PCDHGA4: variants seen among roughly 807,000 people sequenced by gnomAD.
PCDHGA4 encodes protocadherin gamma-A4.
A neutral mutation model predicts 54.6 loss-of-function variants in PCDHGA4; 38 were observed. That is an observed-to-expected ratio of 0.70 (90% confidence interval 0.54 to 0.91). The LOEUF (loss-of-function observed/expected upper bound fraction) is 0.91, where lower values mean the gene tolerates loss of function less well. PCDHGA4 is among the 40% of genes least tolerant of loss of function. The pLI, the probability that PCDHGA4 is intolerant of heterozygous loss-of-function variation, is 0.00. For missense variants in PCDHGA4, 1,298 were observed against 1,220.9 expected, an observed-to-expected ratio of 1.06 and a Z score of -0.94; for synonymous variants, 511 against 512.9, an observed-to-expected ratio of 1.00 and a Z score of 0.05.
chr5:141,503,773 C>A (rs961986223), intron 2 of PCDHGA4, among the ~76,000 whole-genome samples: 1 of 152,204 alleles, frequency 6.6e-6, no homozygotes. Context: ...TGTGTCTGTT[C>A]TTAGGCTGAG....
At chr5:141,467,348 C>T (rs1182432500) in intron 1 of PCDHGA4, among the ~76,000 whole-genome samples, 5 of 152,142 alleles carry the variant, frequency 3.3e-5, no homozygotes, top group African/African-American at 9.7e-5. Context: ...CCACTGCCCC[C>T]GGCCAAATCA....
In PCDHGA4 at chr5:141,356,758, T is replaced by C. The variant is rs1760332568; in HGVS notation, c.1651T>C (p.Phe551Leu). Residue 551 changes from phenylalanine (F) to leucine (L), a missense_variant, in exon 1 of 4, where the codon TTC (phenylalanine) becomes CTC (leucine). Coordinates refer to ENST00000571252, the MANE Select transcript of PCDHGA4 (RefSeq NM_018917.4). Reference protein sequence around the residue: ...NTGILYALCSFDYEQFRDLQL... With the variant: ...NTGILYALCSLDYEQFRDLQL... The stretch of plus-strand genomic sequence containing the variant: ...AGGGATCCTATATGCTCTTTGCTCC[T>C]TCGACTATGAGCAGTTTAGAGACCT... The C allele has an allele frequency of 6.8e-6, 11 of 1,613,966 alleles. No individual in the cohort carries two copies. The highest frequency in any genetic ancestry group is 9.3e-6 in the Non-Finnish European group (11 of 1,179,840).
At chr5:141,445,808 T>A (rs1004030960) in intron 1 of PCDHGA4, among the ~76,000 whole-genome samples, 1 of 152,182 alleles carries the variant, frequency 6.6e-6, no homozygotes, top group Non-Finnish European at 1.5e-5. Flanking sequence ...AATAAATAGA[T>A]GAAACTAATA....
At chr5:141,414,061 T>C in intron 1 of PCDHGA4, 1 of 1,609,248 alleles carries the variant, frequency 6.2e-7, no homozygotes, top group Non-Finnish European at 8.5e-7. Flanking sequence ...ATTGTTGAAG[T>C]TCCAACTAAA....
At chr5:141,466,655 AT>A (rs754296083) in intron 1 of PCDHGA4, among the ~76,000 whole-genome samples, 3 of 152,206 alleles carry the variant, frequency 2.0e-5, no homozygotes, top group Non-Finnish European at 4.4e-5. Context: ...TTCACAAAAC[AT>A]CAGTGATTTC....
chr5:141,481,066 A>G (rs1366968394), intron 1 of PCDHGA4, among the ~76,000 whole-genome samples: 1 of 152,156 alleles, frequency 6.6e-6, no homozygotes, highest in Non-Finnish European at 1.5e-5. Flanking sequence ...TCAAAAACAA[A>G]AAGAAAGAAA....
intron 1 of PCDHGA4, chr5:141,388,630 T>G (rs754073337): frequency 6.2e-7 from 1 of 1,613,816 alleles, no homozygotes; most frequent in Admixed American, 1.7e-5. Context: ...GTATACAGGG[T>G]GAGCCTTTCA....
At chr5:141,374,020 G>T in intron 1 of PCDHGA4, 1 of 1,408,826 alleles carries the variant, frequency 7.1e-7, no homozygotes, top group Non-Finnish European at 9.3e-7. Context: ...TCTGAGAAGA[G>T]CAAAAGTGAT....
chr5:141,372,670 A>T (rs1383646459), intron 1 of PCDHGA4: 1 of 1,614,026 alleles, frequency 6.2e-7, no homozygotes. Flanking sequence ...GCTGCCTCAC[A>T]TTCCTCAAAC....
chr5:141,429,234 T>C (rs2097199038), intron 1 of PCDHGA4: 1 of 152,114 alleles, frequency 6.6e-6, no homozygotes, highest in African/African-American at 2.4e-5. Context: ...ATGATACTGC[T>C]GTCATTGAGA....
In PCDHGA4 at chr5:141,487,494, C is replaced by T. The variant is rs116370895; in HGVS notation, c.2515-7313C>T. 12 of 1,614,120 alleles carry T rather than the reference C, an allele frequency of 7.4e-6. No individual in the cohort carries two copies. The East Asian group carries it at 1.1e-4, about 15-fold the overall frequency. On this transcript the variant is annotated intron_variant, in intron 1 of 3. Transcript: ENST00000571252. The surrounding 1 kb of genome is among the most constrained non-coding windows in gnomAD (Gnocchi z 5.0). Reference sequence around the variant, plus strand: ...GGAGGCCACTCTCATGGCTGTACACCCTTGGCTTCTGCACCCACTCGGAGT... The same window carrying T: ...GGAGGCCACTCTCATGGCTGTACACTCTTGGCTTCTGCACCCACTCGGAGT...
intron 1 of PCDHGA4, among the ~76,000 whole-genome samples, chr5:141,461,345 G>A (rs1277222105): frequency 1.3e-5 from 2 of 152,102 alleles, no homozygotes; most frequent in African/African-American, 4.8e-5. Context: ...CAGGACCAAG[G>A]TGGTAGCTCG....
intron 1 of PCDHGA4, chr5:141,364,964 C>T: frequency 6.2e-7 from 1 of 1,613,938 alleles, no homozygotes; most frequent in Non-Finnish European, 8.5e-7. Context: ...CGACCTCCTC[C>T]TCACAGCTTT....
intron 1 of PCDHGA4, chr5:141,371,688 C>A (rs1234825193): frequency 6.2e-7 from 1 of 1,614,070 alleles, no homozygotes. Flanking sequence ...CAATCCACCG[C>A]TCTCCTCCAG....
At position 141,357,399 on chromosome 5, in the gene PCDHGA4, AGG is replaced by A; in HGVS notation, c.2293_2294del (p.Gly765CysfsTer52). ...LLHAEGSRLA[G>X]VPASHFVGVD... Reference sequence around the variant, plus strand: ...TTCACGCTGAAGGCAGCAGGTTGGCAGGTGTGCCTGCCTCGCACTTTGTGGGC... The same window carrying A: ...TTCACGCTGAAGGCAGCAGGTTGGCATGTGCCTGCCTCGCACTTTGTGGGC... On this transcript the variant is annotated frameshift_variant, in exon 1 of 4. Transcript: ENST00000571252. LOFTEE classifies it high-confidence loss of function. The A allele has an allele frequency of 6.2e-7, 1 of 1,614,238 alleles. No homozygotes were observed. Among genetic ancestry groups the A allele is most frequent in the Non-Finnish European group, 8.5e-7 (1 of 1,180,022 alleles).
chr5:141,393,879 G>A, intron 1 of PCDHGA4: 1 of 1,614,010 alleles, frequency 6.2e-7, no homozygotes, highest in Non-Finnish European at 8.5e-7. Context: ...GTTTAGCCCA[G>A]TGTTAGAAAA....
chr5:141,373,280 A>C (rs1187870137), intron 1 of PCDHGA4, among the ~76,000 whole-genome samples: 2 of 152,242 alleles, frequency 1.3e-5, no homozygotes, highest in African/African-American at 2.4e-5. Flanking sequence ...GATGTTGCCT[A>C]TGTCAGGGCA....
Position 141,474,743 on chromosome 5 carries a change from T to A in PCDHGA4, c.2515-20064T>A, listed in dbSNP as rs113053006. Among the ~76,000 whole-genome samples the A allele has an allele frequency of 4.0e-3, 610 of 152,354 alleles. 8 individuals carry two copies. The highest frequency in any genetic ancestry group is 0.014 in the African/African-American group (593 of 41,580). On this transcript the variant is annotated intron_variant, in intron 1 of 3. Transcript: ENST00000571252. ...AGGACTCTATGCAATCAAAGTGATG[T>A]CCAAGACAAATATACAGAAATAGTA...
intron 1 of PCDHGA4, chr5:141,399,995 G>T (rs1042095164): frequency 1.9e-6 from 3 of 1,612,094 alleles, no homozygotes; most frequent in Non-Finnish European, 2.5e-6. Context: ...GGAGAGGTGC[G>T]CACAGCGCGT....
Sources: gnomAD v4.1 joint callset for allele counts (sites outside exome capture counted in the v4.1 genomes callset) on GRCh38, gnomAD v4.1.1 for gene constraint, Gnocchi (gnomAD v3.1) non-coding constraint, MANE v1.5 for transcripts, NCBI Gene and HGNC (gene_info 2026-07-23, HGNC 2026-07-21) for gene names.